The following CERS6 variants were observed in gnomAD, a reference collection of about 807,000 sequenced individuals.
The protein encoded by CERS6 is LAG1 homolog, ceramide synthase 6.
CERS6 carries 26 observed loss-of-function variants against 56.8 expected under a neutral mutation model. The ratio of observed to expected loss-of-function variants is 0.46; its 90% CI spans 0.34 to 0.63. CERS6 has a LOEUF of 0.63. CERS6 is among the 30% of genes least tolerant of loss of function. CERS6 has a pLI of 0.01. For synonymous variants in CERS6, 164 were observed against 173.3 expected (o/e 0.95, Z 0.42); for missense variants, 415 against 467.5 (o/e 0.89, Z 1.04).
chr2:168,687,063 TG>T (rs1458823369), intron 4 of CERS6, among the ~76,000 whole-genome samples: 2 of 152,068 alleles, frequency 1.3e-5, no homozygotes, highest in African/African-American at 4.8e-5. Context: ...TCAATAGGAA[TG>T]GAGAAAGGGT....
intron 1 of CERS6, among the ~76,000 whole-genome samples, chr2:168,522,121 C>T (rs779512326): frequency 3.3e-5 from 5 of 151,892 alleles, no homozygotes; most frequent in Admixed American, 6.6e-5. Flanking sequence ...AAAATTTTAC[C>T]GACTATATAG....
chr2:168,664,177 A>G (rs1214665964), intron 4 of CERS6, among the ~76,000 whole-genome samples: 4 of 152,204 alleles, frequency 2.6e-5, no homozygotes, highest in Non-Finnish European at 5.9e-5. Context: ...CTTGCAGCCA[A>G]GGGCTAGGAT....
rs1004360466 is a variant in CERS6 at position 168,487,976 on chromosome 2, T to A, written c.170+31358T>A. On this transcript the variant is annotated intron_variant, in intron 1 of 9. Coordinates refer to ENST00000305747, the MANE Select transcript of CERS6 (RefSeq NM_203463.3). ...CTCAAGTGATCTTCCCACCTTGGCC[T>A]CCCAAAGTACTGGGATTACAGGCAT... Among the ~76,000 whole-genome samples the A allele has an allele frequency of 4.6e-5, 7 of 152,280 alleles. No individual in the cohort carries two copies. The South Asian group carries it at 1.5e-3, about 32-fold the overall frequency.
intron 9 of CERS6, among the ~76,000 whole-genome samples, chr2:168,766,820 A>C (rs1684743674): frequency 6.6e-6 from 1 of 152,200 alleles, no homozygotes; most frequent in Non-Finnish European, 1.5e-5. Context: ...CAAGGTCAAC[A>C]GGGCTGGCCT....
intron 1 of CERS6, among the ~76,000 whole-genome samples, chr2:168,507,860 C>G (rs1490632550): frequency 6.6e-6 from 1 of 152,140 alleles, no homozygotes; most frequent in African/African-American, 2.4e-5. Flanking sequence ...CATTCTCTTT[C>G]TTCTCTGGGA....
intron 3 of CERS6, among the ~76,000 whole-genome samples, chr2:168,626,327 G>C (rs907382481): frequency 6.6e-6 from 1 of 152,136 alleles, no homozygotes; most frequent in Non-Finnish European, 1.5e-5. Flanking sequence ...GTGCTGAGTC[G>C]TGCGGGGTGG....
intron 1 of CERS6, among the ~76,000 whole-genome samples, chr2:168,470,271 T>C (rs1693952609): frequency 6.7e-6 from 1 of 150,290 alleles, no homozygotes; most frequent in African/African-American, 2.4e-5. Context: ...GAGCCCCAGC[T>C]ACCCCAGAGG....
At chr2:168,690,034 A>G (rs993456115) in intron 4 of CERS6, among the ~76,000 whole-genome samples, 21 of 152,278 alleles carry the variant, frequency 1.4e-4, no homozygotes, top group African/African-American at 4.3e-4. Flanking sequence ...TAAGAAAAAT[A>G]CTAGTAGCTA....
intron 1 of CERS6, among the ~76,000 whole-genome samples, chr2:168,526,358 T>G (rs1273460273): frequency 1.3e-5 from 2 of 152,174 alleles, no homozygotes; most frequent in African/African-American, 4.8e-5. Context: ...TGAGGGGATA[T>G]TCTCCTAGAA....
intron 8 of CERS6, among the ~76,000 whole-genome samples, chr2:168,753,610 C>T (rs1364564876): frequency 6.6e-6 from 1 of 152,218 alleles, no homozygotes; most frequent in African/African-American, 2.4e-5. Context: ...CTGCATCTCT[C>T]TCTTGCCAAC....
At chr2:168,460,151 A>G (rs760600520) in intron 1 of CERS6, among the ~76,000 whole-genome samples, 1 of 150,994 alleles carries the variant, frequency 6.6e-6, no homozygotes, top group Non-Finnish European at 1.5e-5. Flanking sequence ...AAAATTACTA[A>G]TTATTATCTG....
Position 168,718,058 on chromosome 2 carries a change from T to C in CERS6, c.845+80T>C, listed in dbSNP as rs1687270798. ...GAACCATTTTCCTTTTGAATTTTAC[T>C]GTAAGTATTTACAGGTTTAAATATA... is the stretch of plus-strand genomic sequence containing the variant. On this transcript the variant is annotated intron_variant, in intron 8 of 9. Transcript: ENST00000305747. 3.0e-6 allele frequency: 3 copies of C among 995,986 alleles called. No individual in the cohort carries two copies. The East Asian group carries it at 7.3e-5, about 24-fold the overall frequency. The allele number at this position is 995,986 out of a possible 1,614,324, so 61.7% of individuals were successfully genotyped here.
intron 4 of CERS6, among the ~76,000 whole-genome samples, chr2:168,645,914 C>A (rs919374891): frequency 6.6e-6 from 1 of 152,136 alleles, no homozygotes; most frequent in African/African-American, 2.4e-5. Context: ...TGTATACAAA[C>A]CACATTTTCT....
At chr2:168,688,506 A>G (rs1686414926) in intron 4 of CERS6, among the ~76,000 whole-genome samples, 1 of 152,098 alleles carries the variant, frequency 6.6e-6, no homozygotes, top group African/African-American at 2.4e-5. Flanking sequence ...CAGGAGAATC[A>G]ACTCATGGAC....
chr2:168,607,173 AC>A (rs1684072563), intron 3 of CERS6, among the ~76,000 whole-genome samples: 2 of 152,152 alleles, frequency 1.3e-5, no homozygotes, highest in Non-Finnish European at 2.9e-5. Flanking sequence ...TTATATAAAC[AC>A]TTACATAATA....
chr2:168,478,933 G>T (rs2105331029), intron 1 of CERS6, among the ~76,000 whole-genome samples: 1 of 152,090 alleles, frequency 6.6e-6, no homozygotes, highest in East Asian at 1.9e-4. Context: ...TATGTTTTTT[G>T]TTAAATTTTT....
chr2:168,577,756 G>A (rs1260733450), intron 3 of CERS6, among the ~76,000 whole-genome samples: 1 of 152,224 alleles, frequency 6.6e-6, no homozygotes, highest in African/African-American at 2.4e-5. Context: ...CATCATCCCA[G>A]TGAAATAGGA....
intron 3 of CERS6, among the ~76,000 whole-genome samples, chr2:168,602,141 G>T (rs1008575672): frequency 2.0e-5 from 3 of 152,160 alleles, no homozygotes; most frequent in Non-Finnish European, 4.4e-5. Context: ...GATAGCAAGG[G>T]TATTGCACAA....
At chr2:168,581,581 G>A (rs563546285) in intron 3 of CERS6, among the ~76,000 whole-genome samples, 74 of 151,992 alleles carry the variant, frequency 4.9e-4, no homozygotes, top group Non-Finnish European at 3.4e-4. Context: ...TCTCCTTCTA[G>A]TTTTTAGTTT....
Sources: allele counts gnomAD v4.1 joint callset (sites outside exome capture counted in the v4.1 genomes callset), GRCh38; gene constraint gnomAD v4.1.1; transcripts MANE v1.5; gene names NCBI Gene and HGNC (gene_info 2026-07-23, HGNC 2026-07-21).